The following TAFA1 variants were observed in gnomAD, a reference collection of about 807,000 sequenced individuals.
The protein encoded by TAFA1 is TAFA chemokine like family member 1, also known as chemokine-like protein TAFA-1.
A neutral mutation model predicts 18.5 loss-of-function variants in TAFA1; 4 were observed. The observed-to-expected ratio is 0.22, with a 90% CI of 0.11 to 0.49. The LOEUF (loss-of-function observed/expected upper bound fraction) is 0.49, where lower values mean the gene tolerates loss of function less well. Among genes scored for constraint, TAFA1 ranks in the 20% least tolerant of loss-of-function variants. TAFA1 has a pLI of 0.98. For missense variants in TAFA1, 147 were observed against 169.0 expected, an observed-to-expected ratio of 0.87 and a Z score of 0.72; for synonymous variants, 56 against 55.2, an observed-to-expected ratio of 1.01 and a Z score of -0.06.
intron 2 of TAFA1, among the ~76,000 whole-genome samples, chr3:68,025,965 T>C (rs1201320056): frequency 6.6e-6 from 1 of 152,144 alleles, no homozygotes; most frequent in Non-Finnish European, 1.5e-5. Context: ...GCAGGGATTG[T>C]CATCAGTTTT....
At chr3:68,537,138 G>A (rs893248626) in intron 3 of TAFA1, among the ~76,000 whole-genome samples, 1 of 152,098 alleles carries the variant, frequency 6.6e-6, no homozygotes, top group African/African-American at 2.4e-5. Context: ...TAGAAATAGT[G>A]CAAGATCTGT....
intron 2 of TAFA1, among the ~76,000 whole-genome samples, chr3:68,057,615 C>T (rs1340507831): frequency 6.6e-6 from 1 of 152,194 alleles, no homozygotes; most frequent in Non-Finnish European, 1.5e-5. Context: ...TCCACAGAAC[C>T]TGTGAATGGG....
intron 2 of TAFA1, among the ~76,000 whole-genome samples, chr3:68,225,028 C>T (rs1188933665): frequency 6.6e-6 from 1 of 150,558 alleles, no homozygotes; most frequent in Non-Finnish European, 1.5e-5. Context: ...TCTGCCTCAG[C>T]CTCCCGAGTA....
chr3:68,218,645 GC>G (rs749726887), intron 2 of TAFA1, among the ~76,000 whole-genome samples: 68 of 152,250 alleles, frequency 4.5e-4, no homozygotes, highest in Non-Finnish European at 7.2e-4. Context: ...GAAAGGTAGA[GC>G]TTCTTCTCTG....
intron 3 of TAFA1, among the ~76,000 whole-genome samples, chr3:68,445,686 AG>A (rs543831527): frequency 6.6e-6 from 1 of 152,108 alleles, no homozygotes; most frequent in South Asian, 2.1e-4. Context: ...AATCACCTAG[AG>A]GGTTTATTTA....
At chr3:68,493,877 G>T (rs1575920465) in intron 3 of TAFA1, among the ~76,000 whole-genome samples, 1 of 152,296 alleles carries the variant, frequency 6.6e-6, no homozygotes, top group South Asian at 2.1e-4. Context: ...TCTGGAATTT[G>T]TATTGACCCT....
chr3:68,255,600 A>G (rs1333801838), intron 2 of TAFA1, among the ~76,000 whole-genome samples: 1 of 152,152 alleles, frequency 6.6e-6, no homozygotes, highest in East Asian at 1.9e-4. Context: ...TGCCAGGGTC[A>G]ATGGCCACAG....
intron 2 of TAFA1, among the ~76,000 whole-genome samples, chr3:68,367,594 A>C (rs979142855): frequency 6.6e-5 from 10 of 152,274 alleles, no homozygotes; most frequent in African/African-American, 2.2e-4. Context: ...GATGTTCCTA[A>C]TATCTGACGA....
chr3:68,337,325 C>T (rs2068989259), intron 2 of TAFA1, among the ~76,000 whole-genome samples: 1 of 151,962 alleles, frequency 6.6e-6, no homozygotes, highest in South Asian at 2.1e-4. Context: ...TGGTGCCACA[C>T]ATTTAAACAA....
chr3:68,332,111 C>T (rs2068887311), intron 2 of TAFA1, among the ~76,000 whole-genome samples: 1 of 151,716 alleles, frequency 6.6e-6, no homozygotes, highest in African/African-American at 2.4e-5. Flanking sequence ...GATCCGCCCG[C>T]CTCGGCCTCC....
intron 2 of TAFA1, among the ~76,000 whole-genome samples, chr3:68,089,216 G>A (rs559394247): frequency 6.6e-6 from 1 of 152,142 alleles, no homozygotes; most frequent in Non-Finnish European, 1.5e-5. Flanking sequence ...TCTCAGTATT[G>A]GCTAAGTGAT....
chr3:68,133,978 A>C (rs902604970), intron 2 of TAFA1, among the ~76,000 whole-genome samples: 1 of 151,828 alleles, frequency 6.6e-6, no homozygotes, highest in African/African-American at 2.4e-5. Context: ...CATAATGGTC[A>C]GGACTGGACC....
At chr3:68,482,987 T>C (rs890309710) in intron 3 of TAFA1, among the ~76,000 whole-genome samples, 1 of 152,194 alleles carries the variant, frequency 6.6e-6, no homozygotes, top group South Asian at 2.1e-4. Context: ...CTTAAGCCAG[T>C]TGGGGTCAGT....
chr3:68,182,643 A>G (rs747873649), intron 2 of TAFA1, among the ~76,000 whole-genome samples: 2 of 152,008 alleles, frequency 1.3e-5, no homozygotes, highest in African/African-American at 2.4e-5. Context: ...AATGCACAAC[A>G]CTCTTTTAAA....
At chr3:68,415,931 A>G (rs1348975692) in intron 2 of TAFA1, among the ~76,000 whole-genome samples, 1 of 152,198 alleles carries the variant, frequency 6.6e-6, no homozygotes, top group Non-Finnish European at 1.5e-5. Flanking sequence ...CGTTTCTTTC[A>G]TGTTAGGCCA....
At chr3:68,375,198 G>C (rs74372570) in intron 2 of TAFA1, among the ~76,000 whole-genome samples, 2,950 of 152,170 alleles carry the variant, frequency 0.019, 103 homozygotes, top group African/African-American at 0.067. Flanking sequence ...TTTTGGATCA[G>C]TGCTTGTCAT....
chr3:68,347,647 C>T (rs545860636), intron 2 of TAFA1, among the ~76,000 whole-genome samples: 3 of 152,204 alleles, frequency 2.0e-5, no homozygotes, highest in Non-Finnish European at 4.4e-5. Flanking sequence ...ACTTTATTTA[C>T]AGTAACAGAT....
intron 2 of TAFA1, among the ~76,000 whole-genome samples, chr3:68,138,318 C>A (rs889269344): frequency 6.6e-6 from 1 of 152,112 alleles, no homozygotes; most frequent in African/African-American, 2.4e-5. Context: ...TGCCTCACCA[C>A]GAGAAACATG....
intron 2 of TAFA1, among the ~76,000 whole-genome samples, chr3:68,323,675 T>G (rs1416581676): frequency 2.6e-5 from 4 of 152,172 alleles, no homozygotes; most frequent in Non-Finnish European, 5.9e-5. Context: ...ATACAAATAT[T>G]GTATATTCCT....
Sources: allele counts gnomAD v4.1 joint callset (sites outside exome capture counted in the v4.1 genomes callset), GRCh38; gene constraint gnomAD v4.1.1; transcripts MANE v1.5; gene names NCBI Gene and HGNC (gene_info 2026-07-23, HGNC 2026-07-21).